Variants in TEX14 observed in about 807,000 individuals in gnomAD.
The protein encoded by TEX14 is testis expressed 14, intercellular bridge forming factor.
Under a neutral mutation model 178.6 loss-of-function variants are expected in TEX14, and 168 were observed. The ratio of observed to expected loss-of-function variants is 0.94; its 90% CI spans 0.83 to 1.07. The LOEUF (loss-of-function observed/expected upper bound fraction) is 1.07, where lower values mean the gene tolerates loss of function less well. Among genes scored for constraint, TEX14 ranks in the 50% least tolerant of loss-of-function variants. The probability of loss-of-function intolerance (pLI) is 0.00; values close to 1 mark genes in which losing one functional copy is unlikely to be tolerated. For synonymous variants in TEX14, 626 were observed against 634.1 expected, an observed-to-expected ratio of 0.99 and a Z score of 0.19; for missense variants, 1,730 against 1,753.6, an observed-to-expected ratio of 0.99 and a Z score of 0.24.
At chr17:58,664,313 A>AT (rs2047170303) in intron 1 of TEX14, among the ~76,000 whole-genome samples, 1 of 152,138 alleles carries the variant, frequency 6.6e-6, no homozygotes, top group South Asian at 2.1e-4. Context: ...GTGCCCCCTC[A>AT]TGGCTCTGAT....
rs140357337 is a variant in TEX14, at chr17:58,688,093, C to T, written c.-2+3846G>A. Among the ~76,000 whole-genome samples the T allele has an allele frequency of 7.9e-5, 12 of 152,184 alleles. 1 individual carries two copies. Among genetic ancestry groups the T allele is most frequent in the Admixed American group, 3.3e-4 (5 of 15,252 alleles). ...TAAAATATATAAAAGTACTCTACTT[C>T]GGCACTTTTACAATTATAGACTTTT... On this transcript the variant is annotated intron_variant, in intron 1 of 31. Coordinates refer to ENST00000349033, the MANE Select transcript of TEX14 (RefSeq NM_031272.5).
intron 1 of TEX14, among the ~76,000 whole-genome samples, chr17:58,654,779 T>A (rs1474338306): frequency 6.6e-6 from 1 of 151,800 alleles, no homozygotes; most frequent in Admixed American, 6.6e-5. Flanking sequence ...AGTGCTGGGA[T>A]TACAGAAGTG....
chr17:58,561,513 C>A lies in TEX14; in HGVS notation c.4157+7G>T. On this transcript the variant is annotated splice_region_variant and intron_variant, in intron 29 of 31. Coordinates refer to ENST00000349033, the MANE Select transcript of TEX14 (RefSeq NM_031272.5). Reference sequence around the variant, plus strand: ...AAGAAAAGGATTCCCCTTTGGGGAACAATAACCTTTCAGAGCCCTTGGGAA... The same window carrying A: ...AAGAAAAGGATTCCCCTTTGGGGAAAAATAACCTTTCAGAGCCCTTGGGAA... The A allele has an allele frequency of 6.2e-7, 1 of 1,603,964 alleles. No homozygotes were observed. The highest frequency in any genetic ancestry group is 8.5e-7 in the Non-Finnish European group (1 of 1,171,124).
intron 1 of TEX14, among the ~76,000 whole-genome samples, chr17:58,668,103 C>T (rs1261155287): frequency 6.6e-6 from 1 of 152,058 alleles, no homozygotes; most frequent in African/African-American, 2.4e-5. Flanking sequence ...ATCTGATCAC[C>T]CCAGCCTGTC....
At chr17:58,602,787 G>A (rs2045489497) in intron 11 of TEX14, among the ~76,000 whole-genome samples, 197 bp from the exon 12 acceptor site, 9 of 152,096 alleles carry the variant, frequency 5.9e-5, no homozygotes. Flanking sequence ...ACCCAGAGGG[G>A]CCGGGCGTGG....
intron 27 of TEX14, among the ~76,000 whole-genome samples, 173 bp from the exon 28 acceptor site, chr17:58,565,141 G>A (rs553266240): frequency 6.6e-6 from 1 of 152,320 alleles, no homozygotes; most frequent in Admixed American, 6.5e-5. Context: ...CAGGCCACCT[G>A]CATTTGCAGC....
chr17:58,588,752 G>A (rs2045044199), intron 15 of TEX14, among the ~76,000 whole-genome samples: 1 of 152,078 alleles, frequency 6.6e-6, no homozygotes, highest in Admixed American at 6.6e-5. Context: ...CAACATAAAG[G>A]CGTCTTTTTT....
In TEX14 at chr17:58,662,222, G is replaced by A. The variant is rs142811545; in HGVS notation, c.-1-10220C>T. Among the ~76,000 whole-genome samples the A allele has an allele frequency of 3.9e-4, 59 of 151,598 alleles. 2 individuals are homozygous for A. In the Middle Eastern group the frequency reaches 0.017, roughly 44 times the overall value. On this transcript the variant is annotated intron_variant, in intron 1 of 31. Coordinates refer to ENST00000349033, the MANE Select transcript of TEX14 (RefSeq NM_031272.5). ...ATCCCCCACTTTGGGAGGCCGAGGT[G>A]GGCGGACTAGGAGGTCAGGAGACCG...
chr17:58,675,709 T>C (rs2047384314), intron 1 of TEX14, among the ~76,000 whole-genome samples: 1 of 152,208 alleles, frequency 6.6e-6, no homozygotes, highest in African/African-American at 2.4e-5. Context: ...GAATAAGCTT[T>C]GTTTACAATA....
chr17:58,687,239 A>G (rs763313190), intron 1 of TEX14, among the ~76,000 whole-genome samples: 1 of 151,804 alleles, frequency 6.6e-6, no homozygotes, highest in Non-Finnish European at 1.5e-5. Flanking sequence ...TTGCAAGCCT[A>G]CTCTGGACTC....
chr17:58,597,350 G>A (rs1488165044), intron 14 of TEX14, among the ~76,000 whole-genome samples: 1 of 152,092 alleles, frequency 6.6e-6, no homozygotes, highest in African/African-American at 2.4e-5. Flanking sequence ...AGTGAGCAGA[G>A]ATCGTGCCAC....
intron 26 of TEX14, among the ~76,000 whole-genome samples, chr17:58,566,208 G>A (rs924818210): frequency 2.6e-5 from 4 of 152,100 alleles, no homozygotes; most frequent in Non-Finnish European, 4.4e-5. Flanking sequence ...CTAAGCACTC[G>A]CATACATTAA....
At chr17:58,675,028 C>T (rs941210666) in intron 1 of TEX14, among the ~76,000 whole-genome samples, 2 of 151,710 alleles carry the variant, frequency 1.3e-5, no homozygotes, top group African/African-American at 4.8e-5. Context: ...TGCCTATAAC[C>T]CCAGCTTCTT....
intron 3 of TEX14, among the ~76,000 whole-genome samples, chr17:58,628,442 G>A (rs1188079358): frequency 1.3e-5 from 2 of 152,198 alleles, no homozygotes; most frequent in Non-Finnish European, 2.9e-5. Context: ...GCCGGGCGCA[G>A]TGGCTCATGC....
chr17:58,662,746 G>A (rs1421706993), intron 1 of TEX14, among the ~76,000 whole-genome samples: 1 of 152,174 alleles, frequency 6.6e-6, no homozygotes, highest in Non-Finnish European at 1.5e-5. Context: ...TCAGAAATAT[G>A]AGAGTGACAT....
intron 1 of TEX14, chr17:58,661,560 G>A: frequency 1.3e-6 from 1 of 744,314 alleles, no homozygotes; most frequent in Non-Finnish European, 2.5e-6. Flanking sequence ...AGCTCGGGGA[G>A]CCGCGGCGGC....
chr17:58,631,834 C>G (rs377183687), intron 2 of TEX14: 2 of 152,140 alleles, frequency 1.3e-5, no homozygotes, highest in Non-Finnish European at 2.9e-5. Context: ...AAAATATAGT[C>G]TTAATGTCCA....
chr17:58,588,421 G>A (rs929315741), intron 15 of TEX14, among the ~76,000 whole-genome samples: 1 of 152,170 alleles, frequency 6.6e-6, no homozygotes, highest in East Asian at 1.9e-4. Flanking sequence ...AGCTTCCCAA[G>A]TAGCTGGGAT....
intron 2 of TEX14, among the ~76,000 whole-genome samples, chr17:58,638,933 G>A (rs1387698809): frequency 7.0e-6 from 1 of 142,460 alleles, no homozygotes; most frequent in African/African-American, 2.6e-5. Flanking sequence ...GCGTGATCTC[G>A]GCTCACTGCA....
Sources: allele counts gnomAD v4.1 joint callset (sites outside exome capture counted in the v4.1 genomes callset), GRCh38; gene constraint gnomAD v4.1.1; transcripts MANE v1.5; gene names NCBI Gene and HGNC (gene_info 2026-07-23, HGNC 2026-07-21).